Variants in DRC8 observed in about 807,000 individuals in gnomAD.
DRC8 encodes dynein regulatory complex subunit 8, also known as dynein regulatory complex protein 8.
chr1:245,034,375 C>T, the DRC8 span, among the ~76,000 whole-genome samples: 25 of 151,998 alleles, frequency 1.6e-4, no homozygotes, highest in African/African-American at 1.9e-4. Context: ...CCAAGGCAGG[C>T]GAATCTTTTG....
the DRC8 span, among the ~76,000 whole-genome samples, chr1:244,995,310 G>C: frequency 6.6e-6 from 1 of 151,704 alleles, no homozygotes. Context: ...GCAGTGAGCC[G>C]AGATTGTGCC....
the DRC8 span, chr1:245,122,386 A>G: frequency 6.5e-6 from 1 of 154,072 alleles, no homozygotes; most frequent in African/African-American, 2.4e-5. Context: ...ACACAGTTTA[A>G]ATTTTAATAT....
the DRC8 span, among the ~76,000 whole-genome samples, chr1:245,077,969 T>A: frequency 6.6e-6 from 1 of 151,968 alleles, no homozygotes. Context: ...TGACAAGGGA[T>A]TAATATTCCA....
chr1:245,061,522 T>G, the DRC8 span, among the ~76,000 whole-genome samples: 373 of 152,300 alleles, frequency 2.4e-3, 4 homozygotes, highest in African/African-American at 8.8e-3. Flanking sequence ...CACAATTTAC[T>G]CTAATTAAAT....
chr1:245,118,758 C>T, the DRC8 span, among the ~76,000 whole-genome samples: 2 of 144,406 alleles, frequency 1.4e-5, no homozygotes, highest in African/African-American at 5.1e-5. Flanking sequence ...CACCACTGCA[C>T]TCCAGCCTGG....
At chr1:245,069,977 C>G in the DRC8 span, among the ~76,000 whole-genome samples, 2 of 152,044 alleles carry the variant, frequency 1.3e-5, no homozygotes, top group African/African-American at 4.8e-5. Flanking sequence ...CCCAGGAGTT[C>G]AAGGCTGTAG....
the DRC8 span, chr1:244,970,755 C>T: frequency 1.6e-5 from 7 of 431,866 alleles, no homozygotes; most frequent in South Asian, 3.8e-5. Context: ...CCTCTTCACC[C>T]TCTTCCCCTC....
the DRC8 span, among the ~76,000 whole-genome samples, chr1:245,015,965 CTTTTTT>C: frequency 7.9e-4 from 45 of 57,192 alleles, no homozygotes; most frequent in Non-Finnish European, 1.3e-3. Flanking sequence ...GCCTACAGGG[CTTTTTT>C]TTTTTTTTTT....
the DRC8 span, among the ~76,000 whole-genome samples, chr1:245,020,496 C>A: frequency 6.6e-6 from 1 of 152,026 alleles, no homozygotes; most frequent in Non-Finnish European, 1.5e-5. Flanking sequence ...TCTCAGAGTG[C>A]CCCCAAGACC....
the DRC8 span, among the ~76,000 whole-genome samples, chr1:245,105,815 G>A: frequency 1.3e-5 from 2 of 152,028 alleles, no homozygotes; most frequent in Non-Finnish European, 2.9e-5. Context: ...TGTGGCTCAC[G>A]CCCATAATCC....
chr1:244,980,827 T>A, the DRC8 span, among the ~76,000 whole-genome samples: 2 of 152,302 alleles, frequency 1.3e-5, no homozygotes, highest in South Asian at 4.1e-4. Flanking sequence ...TTGAATGTAT[T>A]CCTCTGTAAG....
the DRC8 span, chr1:245,107,088 C>T: frequency 6.6e-6 from 1 of 152,212 alleles, no homozygotes; most frequent in Non-Finnish European, 1.5e-5. Context: ...ATTCATATGA[C>T]ATGGGAACTA....
At chr1:245,050,489 A>T in the DRC8 span, among the ~76,000 whole-genome samples, 2 of 152,166 alleles carry the variant, frequency 1.3e-5, no homozygotes, top group Non-Finnish European at 2.9e-5. Flanking sequence ...CACTGCTTGA[A>T]TATTAACTCT....
chr1:245,069,384 CT>C, the DRC8 span, among the ~76,000 whole-genome samples: 1 of 152,050 alleles, frequency 6.6e-6, no homozygotes, highest in African/African-American at 2.4e-5. Context: ...AGGTCTCGTC[CT>C]CATTGTCTTC....
the DRC8 span, among the ~76,000 whole-genome samples, chr1:244,985,279 A>T: frequency 6.6e-6 from 1 of 152,208 alleles, no homozygotes; most frequent in Non-Finnish European, 1.5e-5. Context: ...TGAAGTCTGT[A>T]GTTAATCCTT....
chr1:245,039,492 G>GAGAGA, the DRC8 span, among the ~76,000 whole-genome samples: 2 of 148,730 alleles, frequency 1.3e-5, no homozygotes, highest in Non-Finnish European at 3.0e-5. Context: ...AAAAAAAAGA[G>GAGAGA]TTTGTGTATC....
At chr1:245,041,683 A>G in the DRC8 span, among the ~76,000 whole-genome samples, 1 of 152,210 alleles carries the variant, frequency 6.6e-6, no homozygotes, top group African/African-American at 2.4e-5. Context: ...GAGGTGATTA[A>G]GTTAAAAAGC....
chr1:245,097,390 C>T, the DRC8 span, among the ~76,000 whole-genome samples: 2 of 151,864 alleles, frequency 1.3e-5, no homozygotes, highest in African/African-American at 2.4e-5. The surrounding 1 kb of genome is among the most constrained non-coding windows in gnomAD (Gnocchi z 5.0). Flanking sequence ...TGGTGGCGGG[C>T]GCCTGTAGTC....
chr1:244,978,491 C>CAAA, the DRC8 span, among the ~76,000 whole-genome samples: 1 of 129,814 alleles, frequency 7.7e-6, no homozygotes, highest in African/African-American at 3.1e-5. Flanking sequence ...AACTCCGTCT[C>CAAA]AAAAAAAAAA....
Sources: gnomAD v4.1 joint callset for allele counts (sites outside exome capture counted in the v4.1 genomes callset) on GRCh38, gnomAD v4.1.1 for gene constraint, Gnocchi (gnomAD v3.1) non-coding constraint, MANE v1.5 for transcripts, NCBI Gene and HGNC (gene_info 2026-07-23, HGNC 2026-07-21) for gene names.